Variants in ZNF420 observed in about 807,000 individuals in gnomAD.
The protein encoded by ZNF420 is ATM and p53-associated KZNF protein.
In ZNF420, 31 loss-of-function variants were observed where a neutral mutation model predicts 44.7. The ratio of observed to expected loss-of-function variants is 0.69; its 90% CI spans 0.52 to 0.94. ZNF420 has a LOEUF of 0.94. Among genes scored for constraint, ZNF420 ranks in the 40% least tolerant of loss-of-function variants. The probability of loss-of-function intolerance (pLI) is 0.00; values close to 1 mark genes in which losing one functional copy is unlikely to be tolerated. For missense variants in ZNF420, 681 were observed against 827.9 expected (o/e 0.82, Z 2.18); for synonymous variants, 245 against 267.4 (o/e 0.92, Z 0.82).
chr19:37,128,752 T>C lies in ZNF420; in HGVS notation c.1761T>C (p.Tyr587=). The C allele has an allele frequency of 1.2e-6, 2 of 1,613,746 alleles. No homozygotes were observed. Among genetic ancestry groups the C allele is most frequent in the Non-Finnish European group, 1.7e-6 (2 of 1,179,940 alleles). ...GAATTCACACTGGAGAAAAACCCTATGAATGCAAGGAGTGTGGCAAGGCCT... is the reference window on the plus strand; with the variant it reads ...GAATTCACACTGGAGAAAAACCCTACGAATGCAAGGAGTGTGGCAAGGCCT... ...HQRIHTGEKP[Y]ECKECGKAFS... is the part of the protein sequence containing the mutation. Residue 587 remains tyrosine (Y), a synonymous_variant, in exon 5 of 5, where the codon TAT becomes TAC. Coordinates refer to ENST00000337995, the MANE Select transcript of ZNF420 (RefSeq NM_144689.5).
rs77485953 is a variant in ZNF420 at position 37,013,040 on chromosome 19, C to G, written c.-125+4958C>G. 5.1e-3 allele frequency among the ~76,000 whole-genome samples: 770 copies of G among 152,134 alleles called. 10 individuals are homozygous for G. Among genetic ancestry groups the G allele is most frequent in the African/African-American group, 0.017 (720 of 41,488 alleles). On this transcript the variant is annotated intron_variant, in intron 1 of 4. Coordinates refer to the ZNF420 transcript ENST00000587029. ...CGTTCCACTTTGCATTTTGTGAAAGCCTCGGCAACATGGGGAGCATCGTGG... is the reference window on the plus strand; with the variant it reads ...CGTTCCACTTTGCATTTTGTGAAAGGCTCGGCAACATGGGGAGCATCGTGG...
chr19:37,020,050 T>C (rs1002165536), intron 1 of ZNF420, among the ~76,000 whole-genome samples: 4 of 151,804 alleles, frequency 2.6e-5, no homozygotes, highest in Non-Finnish European at 5.9e-5. Context: ...ACCCCGTCTC[T>C]ACTAAAAATA....
At chr19:37,124,360 G>A (rs140610431) in intron 4 of ZNF420, among the ~76,000 whole-genome samples, 7 of 152,288 alleles carry the variant, frequency 4.6e-5, no homozygotes, top group African/African-American at 1.7e-4. Flanking sequence ...TGATTCATTC[G>A]CCTTTTGAGG....
chr19:37,014,814 GTC>G (rs1269234387), intron 1 of ZNF420, among the ~76,000 whole-genome samples: 1 of 152,162 alleles, frequency 6.6e-6, no homozygotes, highest in Non-Finnish European at 1.5e-5. Flanking sequence ...TTGGGCTGAT[GTC>G]TCTCCTCTCT....
intron 1 of ZNF420, among the ~76,000 whole-genome samples, chr19:37,034,609 A>G (rs1385903115): frequency 6.6e-6 from 1 of 152,194 alleles, no homozygotes; most frequent in Non-Finnish European, 1.5e-5. Flanking sequence ...CCACTGGACA[A>G]GGTCCCTTTT....
At chr19:37,030,429 A>G (rs1967237036) in intron 1 of ZNF420, among the ~76,000 whole-genome samples, 1 of 152,134 alleles carries the variant, frequency 6.6e-6, no homozygotes, top group Non-Finnish European at 1.5e-5. Context: ...CCAAAATGCT[A>G]GGATTACAGG....
At chr19:37,119,115 C>T (rs1401970470) in intron 4 of ZNF420, among the ~76,000 whole-genome samples, 3 of 152,050 alleles carry the variant, frequency 2.0e-5, no homozygotes, top group Non-Finnish European at 2.9e-5. Context: ...CTGCACCAAG[C>T]GGACCTAATA....
chr19:37,127,936 T>C lies in ZNF420; in HGVS notation c.945T>C (p.Ala315=), dbSNP rs1971445998. 6.2e-7 allele frequency: 1 copy of C among 1,612,626 alleles called. No homozygotes were observed. The highest frequency in any genetic ancestry group is 1.1e-5 in the South Asian group (1 of 90,986). The change falls in exon 5 of 5, where the codon GCT becomes GCC. Residue 315 remains alanine (A), a synonymous_variant. Coordinates refer to ENST00000337995, the MANE Select transcript of ZNF420 (RefSeq NM_144689.5). The stretch of plus-strand genomic sequence containing the variant: ...ATGAATGTAAGGAATGTGGAAAAGC[T>C]TTTATTTGTGGCTCACAGCTTTCTC... ...KPYECKECGK[A]FICGSQLSQH... is the part of the protein sequence containing the mutation.
chr19:37,020,216 C>CAAA (rs376616699), intron 1 of ZNF420, among the ~76,000 whole-genome samples: 21 of 99,824 alleles, frequency 2.1e-4, no homozygotes, highest in African/African-American at 4.5e-4. Context: ...GACTCCGTCT[C>CAAA]AAAAAAAAAA....
intron 1 of ZNF420, among the ~76,000 whole-genome samples, chr19:37,065,875 A>G (rs1967959406): frequency 6.6e-6 from 1 of 152,230 alleles, no homozygotes; most frequent in South Asian, 2.1e-4. Context: ...ATGGCACTAG[A>G]ACAACTTGAT....
chr19:37,105,080 A>G (rs1416016039), intron 4 of ZNF420, among the ~76,000 whole-genome samples: 7 of 152,142 alleles, frequency 4.6e-5, no homozygotes, highest in Admixed American at 6.5e-5. Context: ...GCCCATGCCT[A>G]TGTCCTGAAT....
intron 1 of ZNF420, among the ~76,000 whole-genome samples, chr19:37,057,302 A>G (rs1367553515): frequency 1.3e-5 from 2 of 152,296 alleles, no homozygotes; most frequent in East Asian, 1.9e-4. Flanking sequence ...TGTGCAGGCC[A>G]TGATCTTGAG....
intron 4 of ZNF420, among the ~76,000 whole-genome samples, chr19:37,094,861 G>A (rs961344703): frequency 4.6e-5 from 7 of 152,084 alleles, no homozygotes; most frequent in African/African-American, 7.2e-5. Flanking sequence ...GGCCAGGCGC[G>A]GTGGCTCACG....
chr19:37,129,192 G>A lies in ZNF420; in HGVS notation c.*134G>A. 8.9e-7 allele frequency: 1 copy of A among 1,124,778 alleles called. No individual in the cohort carries two copies. The highest frequency in any genetic ancestry group is 1.3e-6 in the Non-Finnish European group (1 of 795,996). The allele number at this position is 1,124,778 out of a possible 1,614,324, so 69.7% of individuals were successfully genotyped here. ...CAGATAATTTATGTGAGAGAAAATG[G>A]TAGTGTCATTCATATAGAAAAACAT... is the stretch of plus-strand genomic sequence containing the variant. On this transcript the variant is annotated 3_prime_UTR_variant, in exon 5 of 5. Transcript: ENST00000337995.
intron 4 of ZNF420, among the ~76,000 whole-genome samples, chr19:37,120,972 A>G (rs1970995200): frequency 6.6e-6 from 1 of 152,146 alleles, no homozygotes; most frequent in South Asian, 2.1e-4. Context: ...ATGAAATAAA[A>G]GAGGATACAA....
upstream of ZNF420, among the ~76,000 whole-genome samples, chr19:37,073,781 G>A (rs1968101653): frequency 6.7e-6 from 1 of 148,394 alleles, no homozygotes. Context: ...AGAAAAGAAA[G>A]AAAGAAAAAG....
chr19:37,068,322 A>ACATC (rs1968002865), intron 1 of ZNF420, among the ~76,000 whole-genome samples: 1 of 152,160 alleles, frequency 6.6e-6, no homozygotes, highest in Non-Finnish European at 1.5e-5. Flanking sequence ...CATATACATC[A>ACATC]CATCACAAAA....
In ZNF420 at chr19:37,129,574, A is replaced by G. The variant is rs1971553378; in HGVS notation, c.*516A>G. Reference sequence around the variant, plus strand: ...ATGAGAGGAGAGTACTTATGAGTATAATGAATATTGAGAAATCTTTTATCA... The same window carrying G: ...ATGAGAGGAGAGTACTTATGAGTATGATGAATATTGAGAAATCTTTTATCA... On this transcript the variant is annotated 3_prime_UTR_variant, in exon 5 of 5. Transcript: ENST00000337995. The G allele has an allele frequency of 6.3e-6, 1 of 159,510 alleles. No homozygotes were observed. Among genetic ancestry groups the G allele is most frequent in the South Asian group, 1.8e-4 (1 of 5,502 alleles). The allele number at this position is 159,510 out of a possible 1,614,324, so 9.9% of individuals were successfully genotyped here.
At chr19:37,127,014 A>C in intron 4 of ZNF420, 114 bp from the exon 5 acceptor site, 1 of 869,572 alleles carries the variant, frequency 1.1e-6, no homozygotes, top group Non-Finnish European at 1.6e-6. Flanking sequence ...AATAATCAAT[A>C]TTTGAAACAA....
Sources: allele counts gnomAD v4.1 joint callset (sites outside exome capture counted in the v4.1 genomes callset), GRCh38; gene constraint gnomAD v4.1.1; transcripts MANE v1.5; gene names NCBI Gene and HGNC (gene_info 2026-07-23, HGNC 2026-07-21).